PACS1: variants seen among roughly 807,000 people sequenced by gnomAD.
PACS1 encodes the protein phosphofurin acidic cluster sorting protein 1.
Under a neutral mutation model 115.0 loss-of-function variants are expected in PACS1, and 24 were observed. That is an observed-to-expected ratio of 0.21 (90% CI 0.15 to 0.29). The LOEUF (loss-of-function observed/expected upper bound fraction) is 0.29, where lower values mean the gene tolerates loss of function less well. Ranked by LOEUF, PACS1 falls within the 10% of genes least tolerant of loss-of-function variation. The probability of loss-of-function intolerance (pLI) is 1.00; values close to 1 mark genes in which losing one functional copy is unlikely to be tolerated. For missense variants in PACS1, 838 were observed against 1,251.2 expected (o/e 0.67, Z 4.98); for synonymous variants, 453 against 504.5 (o/e 0.90, Z 1.37).
intron 1 of PACS1, among the ~76,000 whole-genome samples, chr11:66,135,935 G>A (rs1819364541): frequency 6.6e-6 from 1 of 152,086 alleles, no homozygotes; most frequent in East Asian, 1.9e-4. Context: ...GGGATTACAG[G>A]CGTGAGCCAC....
chr11:66,241,434 A>C lies in PACS1; in HGVS notation c.2437A>C (p.Asn813His), dbSNP rs1416101282. 4 of 1,591,386 alleles carry C rather than the reference A, an allele frequency of 2.5e-6. No individual in the cohort carries two copies. The highest frequency in any genetic ancestry group is 1.7e-6 in the Non-Finnish European group (2 of 1,168,254). Residue 813 changes from asparagine to histidine, a missense_variant, in exon 22 of 24, where the codon AAT (asparagine) becomes CAT (histidine). This residue lies in a region of PACS1 where 383 missense variants were observed against 537.0 expected (regional missense o/e 0.71). Coordinates refer to ENST00000320580, the MANE Select transcript of PACS1 (RefSeq NM_018026.4). Reference protein sequence around the residue: ...SSALAIVGSPNSPYGDVIGLQ... With the variant: ...SSALAIVGSPHSPYGDVIGLQ... ...TTTGTTCCCTTTCCTCAGGAGCCCTAATAGCCCATATGGGGACGTGATTGG... is the reference window on the plus strand; with the variant it reads ...TTTGTTCCCTTTCCTCAGGAGCCCTCATAGCCCATATGGGGACGTGATTGG...
chr11:66,187,030 A>G (rs1028275893), intron 1 of PACS1, among the ~76,000 whole-genome samples: 25 of 152,252 alleles, frequency 1.6e-4, no homozygotes, highest in Middle Eastern at 3.4e-3. Context: ...GGCTCAGTGT[A>G]GTGGTTTTGA....
intron 1 of PACS1, among the ~76,000 whole-genome samples, chr11:66,087,804 G>C (rs1857598428): frequency 6.6e-6 from 1 of 152,212 alleles, no homozygotes; most frequent in Non-Finnish European, 1.5e-5. Context: ...ATACCTGGGA[G>C]TCAGATTGCC....
rs770307613 is a variant in PACS1, at chr11:66,070,849, G to A, written c.356+7G>A. ...CGTCCAGCTGCGTGCCTAGGTGAGC[G>A]CGGGAGGGTGCGGCGGGGCGCCGGG... is the stretch of plus-strand genomic sequence containing the variant. On this transcript the variant is annotated splice_region_variant and intron_variant, in intron 1 of 23. Transcript: ENST00000320580. The surrounding 1 kb of genome is among the most constrained non-coding windows in gnomAD (Gnocchi z 5.9). The A allele has an allele frequency of 2.0e-6, 3 of 1,463,434 alleles. No individual in the cohort carries two copies. Among genetic ancestry groups the A allele is most frequent in the South Asian group, 2.6e-5 (2 of 75,978 alleles). 90.7% of individuals were successfully genotyped at this position (1,463,434 alleles called of 1,614,324 possible). A position where few individuals can be genotyped will look rare whatever the true frequency, so the allele number is the denominator to read the frequency against.
At chr11:66,107,415 A>G (rs1858074929) in intron 1 of PACS1, among the ~76,000 whole-genome samples, 1 of 151,942 alleles carries the variant, frequency 6.6e-6, no homozygotes, top group African/African-American at 2.4e-5. Context: ...CTGCTAACAC[A>G]CTATATCCTT....
chr11:66,081,776 C>T (rs766279997), intron 1 of PACS1, among the ~76,000 whole-genome samples: 1 of 152,180 alleles, frequency 6.6e-6, no homozygotes, highest in Non-Finnish European at 1.5e-5. Flanking sequence ...AGCAGAAGAG[C>T]AACTGAACCG....
intron 1 of PACS1, among the ~76,000 whole-genome samples, chr11:66,143,886 C>T (rs1257007737): frequency 1.3e-5 from 2 of 152,122 alleles, no homozygotes; most frequent in Non-Finnish European, 2.9e-5. Flanking sequence ...GTGATCTGCC[C>T]GCCTTGGCCT....
At chr11:66,211,817 T>G (rs932278413) in intron 4 of PACS1, among the ~76,000 whole-genome samples, 6 of 152,236 alleles carry the variant, frequency 3.9e-5, no homozygotes, top group Admixed American at 3.9e-4. Context: ...AGTGTCTCAG[T>G]GATACCCTTT....
In PACS1 at chr11:66,235,535, T is replaced by G. The variant is rs779685287; in HGVS notation, c.2207+132T>G. The G allele has an allele frequency of 1.4e-6, 1 of 704,472 alleles. No homozygotes were observed. The highest frequency in any genetic ancestry group is 2.4e-6 in the Non-Finnish European group (1 of 411,522). The allele number at this position is 704,472 out of a possible 1,614,324, so 43.6% of individuals were successfully genotyped here. A position where few individuals can be genotyped will look rare whatever the true frequency, so the allele number is the denominator to read the frequency against. On this transcript the variant is annotated intron_variant, in intron 18 of 23. Coordinates refer to ENST00000320580, the MANE Select transcript of PACS1 (RefSeq NM_018026.4). This position sits in a 1 kb window ranked among gnomAD's most constrained non-coding sequence, Gnocchi z 5.6. ...TCATAGGAACCCAAAAGGATATGAG[T>G]GGTTTTTACCACCACCTCCCCAGCA...
Position 66,100,737 on chromosome 11 carries a change from G to A in PACS1, c.356+29895G>A, listed in dbSNP as rs938152776. The A allele has an allele frequency of 3.5e-5, 16 of 452,368 alleles. 1 individual carries two copies. Among genetic ancestry groups the A allele is most frequent in the South Asian group, 6.2e-5 (4 of 64,302 alleles). 28.0% of individuals were successfully genotyped at this position (452,368 alleles called of 1,614,324 possible). A position where few individuals can be genotyped will look rare whatever the true frequency, so the allele number is the denominator to read the frequency against. On this transcript the variant is annotated intron_variant, in intron 1 of 23. Coordinates refer to ENST00000320580, the MANE Select transcript of PACS1 (RefSeq NM_018026.4). Reference sequence around the variant, plus strand: ...GTTCAAAGTTGGAGCATCCAGGGGCGGAGGCTAGAATCTTGTGCAGTCTCC... The same window carrying A: ...GTTCAAAGTTGGAGCATCCAGGGGCAGAGGCTAGAATCTTGTGCAGTCTCC...
At chr11:66,183,510 T>G (rs933605579) in intron 1 of PACS1, among the ~76,000 whole-genome samples, 2 of 152,216 alleles carry the variant, frequency 1.3e-5, no homozygotes, top group Non-Finnish European at 2.9e-5. Flanking sequence ...GACACAGCCA[T>G]TTCTTGGTAG....
At chr11:66,165,701 C>G (rs1859584595) in intron 1 of PACS1, among the ~76,000 whole-genome samples, 1 of 150,436 alleles carries the variant, frequency 6.6e-6, no homozygotes, top group Non-Finnish European at 1.5e-5. Flanking sequence ...TTCTATTTGC[C>G]CCATACCCTG....
chr11:66,195,551 G>A (rs1404536381), intron 2 of PACS1, among the ~76,000 whole-genome samples: 2 of 152,150 alleles, frequency 1.3e-5, no homozygotes, highest in African/African-American at 4.8e-5. Context: ...GCAGCTAAAT[G>A]CTTTTGCCAA....
At chr11:66,238,986 C>T (rs1855757356) in intron 20 of PACS1, 140 bp downstream of exon 20, 2 of 1,368,370 alleles carry the variant, frequency 1.5e-6, no homozygotes, top group African/African-American at 1.4e-5. Flanking sequence ...GGCGCCCTCA[C>T]TCCCCTGCTG....
At chr11:66,151,626 CAGA>C (rs1859242115) in intron 1 of PACS1, among the ~76,000 whole-genome samples, 1 of 152,174 alleles carries the variant, frequency 6.6e-6, no homozygotes, top group African/African-American at 2.4e-5. Flanking sequence ...AGAAAGTTCT[CAGA>C]AGAACACAGT....
rs927299851 is a variant in PACS1 at position 66,071,833 on chromosome 11, C to T, written c.356+991C>T. 2.0e-5 allele frequency among the ~76,000 whole-genome samples: 3 copies of T among 152,186 alleles called. No homozygotes were observed. In the East Asian group the frequency reaches 5.8e-4, roughly 29 times the overall value. On this transcript the variant is annotated intron_variant, in intron 1 of 23. Transcript: ENST00000320580. ...CAGAGTTAGAGAGGATTGCTGGGCT[C>T]CCCCCTCGACTGTCTTCCTTTCCCC...
rs1445278914 is a variant in PACS1, at chr11:66,241,589, T to G, written c.2592T>G (p.Ser864Arg). 1 of 1,614,192 alleles carries G rather than the reference T, an allele frequency of 6.2e-7. No homozygotes were observed. Among genetic ancestry groups the G allele is most frequent in the Admixed American group, 1.7e-5 (1 of 60,026 alleles). Residue 864 changes from serine (S) to arginine (R), a missense_variant, in exon 22 of 24, where the codon AGT (serine) becomes AGG (arginine). By Grantham distance (110) the Ser-to-Arg change is moderately radical. This residue lies in a region of PACS1 where 84 missense variants were observed against 187.1 expected (regional missense o/e 0.45). Coordinates refer to ENST00000320580, the MANE Select transcript of PACS1 (RefSeq NM_018026.4). ...TGCAGGTGTCCCGCCTGCCCCATAG[T>G]GGGGAGGCCCAGCTTTCTGGCACCA... ...RSVQVSRLPH[S>R]GEAQLSGTMA... is the part of the protein sequence containing the mutation.
intron 1 of PACS1, among the ~76,000 whole-genome samples, chr11:66,083,329 G>A (rs1857518755): frequency 6.6e-6 from 1 of 151,996 alleles, no homozygotes; most frequent in African/African-American, 2.4e-5. Flanking sequence ...TTAAACGCAT[G>A]TAATGTCATT....
At chr11:66,093,350 G>A (rs1242051302) in intron 1 of PACS1, among the ~76,000 whole-genome samples, 1 of 149,992 alleles carries the variant, frequency 6.7e-6, no homozygotes, top group African/African-American at 2.5e-5. Context: ...GATGGAGGAA[G>A]ATCTACCAAG....
Sources: allele counts gnomAD v4.1 joint callset (sites outside exome capture counted in the v4.1 genomes callset), GRCh38; gene constraint gnomAD v4.1.1; regional missense constraint gnomAD v4.1.1; non-coding constraint Gnocchi (gnomAD v3.1); transcripts MANE v1.5; gene names NCBI Gene and HGNC (gene_info 2026-07-23, HGNC 2026-07-21).